The following RANBP2 variants were observed in gnomAD, a reference collection of about 807,000 sequenced individuals.
RANBP2 encodes RAN binding protein 2, also known as E3 SUMO-protein ligase RanBP2.
RANBP2 carries 57 observed loss-of-function variants against 303.6 expected under a neutral mutation model. The observed-to-expected ratio is 0.19, with a 90% CI of 0.15 to 0.23. The LOEUF (loss-of-function observed/expected upper bound fraction) is 0.23. Among genes scored for constraint, RANBP2 ranks in the 10% least tolerant of loss-of-function variants. RANBP2 has a pLI of 1.00. For synonymous variants in RANBP2, 1,167 were observed against 1,301.5 expected (o/e 0.90, Z 2.23); for missense variants, 3,138 against 3,780.8 (o/e 0.83, Z 4.46).
At chr2:108,953,163 A>G in the RANBP2 span, among the ~76,000 whole-genome samples, 2 of 152,224 alleles carry the variant, frequency 1.3e-5, no homozygotes, top group East Asian at 1.9e-4. Context: ...TGGAGTCTCT[A>G]TTGAAAGCTC....
chr2:109,034,270 CAAAAAAA>C, the RANBP2 span, among the ~76,000 whole-genome samples: 4 of 38,094 alleles, frequency 1.1e-4, no homozygotes, highest in Admixed American at 9.4e-4. Context: ...GACTCCATCT[CAAAAAAA>C]AAAAAAAAAA....
At chr2:109,525,800 T>C in the RANBP2 span, among the ~76,000 whole-genome samples, 1 of 152,206 alleles carries the variant, frequency 6.6e-6, no homozygotes, top group African/African-American at 2.4e-5. Context: ...ACTTCCTACC[T>C]GCTGGAGGCC....
At chr2:108,987,332 C>A in the RANBP2 span, among the ~76,000 whole-genome samples, 2 of 152,218 alleles carry the variant, frequency 1.3e-5, no homozygotes, top group Admixed American at 1.3e-4. Flanking sequence ...CCCCATTTAA[C>A]AGAGGCAAGT....
chr2:108,890,725 GT>G, the RANBP2 span, among the ~76,000 whole-genome samples: 1 of 152,114 alleles, frequency 6.6e-6, no homozygotes, highest in South Asian at 2.1e-4. Context: ...GACTTAGGAA[GT>G]TTTCATCTAT....
chr2:109,442,077 T>C, the RANBP2 span, among the ~76,000 whole-genome samples: 1 of 152,134 alleles, frequency 6.6e-6, no homozygotes, highest in African/African-American at 2.4e-5. Flanking sequence ...TTTGGGAGGC[T>C]GAGACGGGTG....
chr2:109,071,910 T>C, the RANBP2 span, among the ~76,000 whole-genome samples: 2 of 152,098 alleles, frequency 1.3e-5, no homozygotes, highest in African/African-American at 4.8e-5. Context: ...GGCAGAGATG[T>C]CAATAGGAGG....
chr2:109,321,016 C>T, the RANBP2 span, among the ~76,000 whole-genome samples: 1 of 152,162 alleles, frequency 6.6e-6, no homozygotes, highest in Non-Finnish European at 1.5e-5. Flanking sequence ...ATAGATTGTT[C>T]CATGGGAGCT....
chr2:109,521,088 G>A, the RANBP2 span, among the ~76,000 whole-genome samples: 1 of 152,002 alleles, frequency 6.6e-6, no homozygotes, highest in Non-Finnish European at 1.5e-5. Context: ...GTGGTGGCGG[G>A]CACCTGTAGT....
the RANBP2 span, chr2:109,129,329 CCGG>C: frequency 8.6e-3 from 11 of 1,278 alleles, no homozygotes; most frequent in Non-Finnish European, 0.31. Flanking sequence ...GCTCGGCTGG[CCGG>C]TCCCCGCCAC....
the RANBP2 span, among the ~76,000 whole-genome samples, chr2:109,013,159 T>A: frequency 6.6e-6 from 1 of 152,312 alleles, no homozygotes; most frequent in South Asian, 2.1e-4. Flanking sequence ...CTACTTCTAA[T>A]GACATCAATT....
chr2:108,756,377 A>T (rs1326262279), intron 17 of RANBP2, among the ~76,000 whole-genome samples: 3 of 152,172 alleles, frequency 2.0e-5, no homozygotes, highest in Admixed American at 2.0e-4. Flanking sequence ...AAGGAGCTTG[A>T]CTTTTTTGGA....
At chr2:109,194,717 TA>T in the RANBP2 span, among the ~76,000 whole-genome samples, 1 of 152,206 alleles carries the variant, frequency 6.6e-6, no homozygotes, top group Non-Finnish European at 1.5e-5. Flanking sequence ...CCCTCCACCC[TA>T]AACACTGCCC....
chr2:109,028,077 C>T, the RANBP2 span, among the ~76,000 whole-genome samples: 1 of 152,146 alleles, frequency 6.6e-6, no homozygotes, highest in Non-Finnish European at 1.5e-5. Context: ...TGAGACCAAC[C>T]TGGGCAACAT....
chr2:109,338,739 G>A, the RANBP2 span, among the ~76,000 whole-genome samples: 2 of 152,082 alleles, frequency 1.3e-5, no homozygotes, highest in Non-Finnish European at 2.9e-5. Flanking sequence ...TGTATTTTTA[G>A]TAGAGATGGA....
chr2:109,004,779 C>A, the RANBP2 span, among the ~76,000 whole-genome samples: 4 of 152,294 alleles, frequency 2.6e-5, no homozygotes, highest in Admixed American at 6.5e-5. Flanking sequence ...TCATTTAAAT[C>A]TGCGGAGCCT....
downstream of RANBP2, chr2:108,788,092 A>G: frequency 6.2e-7 from 1 of 1,603,732 alleles, no homozygotes; most frequent in Non-Finnish European, 8.5e-7. Flanking sequence ...CTCCCCAGGT[A>G]AGCCGGTATT....
At chr2:108,849,371 C>T in the RANBP2 span, among the ~76,000 whole-genome samples, 5 of 152,152 alleles carry the variant, frequency 3.3e-5, no homozygotes, top group African/African-American at 1.2e-4. Context: ...TCCAGCTGAG[C>T]TCATGGTCAC....
chr2:109,510,525 T>C, the RANBP2 span, among the ~76,000 whole-genome samples: 1 of 152,202 alleles, frequency 6.6e-6, no homozygotes, highest in Non-Finnish European at 1.5e-5. Flanking sequence ...CTTCTCACAT[T>C]TGTGCAGTGA....
At chr2:109,130,911 A>G in the RANBP2 span, among the ~76,000 whole-genome samples, 2 of 152,204 alleles carry the variant, frequency 1.3e-5, no homozygotes, top group African/African-American at 4.8e-5. Context: ...CACCTTGTGA[A>G]CAGTTACCAG....
Sources: allele counts gnomAD v4.1 joint callset (sites outside exome capture counted in the v4.1 genomes callset), GRCh38; gene constraint gnomAD v4.1.1; transcripts MANE v1.5; gene names NCBI Gene and HGNC (gene_info 2026-07-23, HGNC 2026-07-21).